C12orf54: variants seen among roughly 807,000 people sequenced by gnomAD.
C12orf54 encodes the protein uncharacterized protein C12orf54.
In C12orf54, 24 loss-of-function variants were observed where a neutral mutation model predicts 26.4. The observed-to-expected ratio is 0.91, with a 90% CI of 0.66 to 1.28. C12orf54 has a LOEUF of 1.28. C12orf54 is among the 50% of genes most tolerant of loss of function. C12orf54 has a pLI of 0.00. For synonymous variants in C12orf54, 54 were observed against 47.0 expected (o/e 1.15, Z -0.61); for missense variants, 154 against 150.9 (o/e 1.02, Z -0.11).
At chr12:48,419,073 A>G in the C12orf54 span, among the ~76,000 whole-genome samples, 1 of 152,206 alleles carries the variant, frequency 6.6e-6, no homozygotes, top group African/African-American at 2.4e-5. Context: ...GAGATGATGT[A>G]TTGAGCCACA....
chr12:48,473,584 G>C, the C12orf54 span: 1 of 295,566 alleles, frequency 3.4e-6, no homozygotes, highest in East Asian at 8.2e-5. Flanking sequence ...GGGAGGGGAG[G>C]AGGGGGTGGA....
the C12orf54 span, among the ~76,000 whole-genome samples, chr12:48,433,000 G>T: frequency 1.3e-5 from 2 of 151,996 alleles, no homozygotes; most frequent in African/African-American, 4.8e-5. Context: ...AAACTTGACA[G>T]ATACAAGATC....
chr12:48,439,917 A>T, the C12orf54 span, among the ~76,000 whole-genome samples: 1 of 152,128 alleles, frequency 6.6e-6, no homozygotes, highest in Non-Finnish European at 1.5e-5. Context: ...ATAAAAAAAT[A>T]AAAAATAAGA....
the C12orf54 span, among the ~76,000 whole-genome samples, chr12:48,452,826 T>C: frequency 2.0e-5 from 3 of 152,098 alleles, no homozygotes; most frequent in East Asian, 1.9e-4. Context: ...CCAGAATGTC[T>C]ATTATTAAAA....
the C12orf54 span, among the ~76,000 whole-genome samples, chr12:48,425,560 T>C: frequency 6.6e-6 from 1 of 152,118 alleles, no homozygotes; most frequent in Admixed American, 6.6e-5. Context: ...GTCTTTATGG[T>C]AGAATAATTT....
At chr12:48,446,288 C>T in the C12orf54 span, among the ~76,000 whole-genome samples, 2 of 152,142 alleles carry the variant, frequency 1.3e-5, no homozygotes, top group African/African-American at 2.4e-5. Flanking sequence ...CTTTAAAAAG[C>T]TTTTCTGAAG....
the C12orf54 span, among the ~76,000 whole-genome samples, chr12:48,424,130 T>C: frequency 1.3e-5 from 2 of 152,132 alleles, no homozygotes; most frequent in African/African-American, 4.8e-5. Context: ...TCTGGTCTAA[T>C]AATATGGTGA....
the C12orf54 span, among the ~76,000 whole-genome samples, chr12:48,461,309 C>T: frequency 1.2e-4 from 18 of 151,742 alleles, no homozygotes; most frequent in East Asian, 1.4e-3. Context: ...ATTTAAATAC[C>T]CCTTCAATAA....
chr12:48,418,966 C>G, the C12orf54 span, among the ~76,000 whole-genome samples: 1 of 150,780 alleles, frequency 6.6e-6, no homozygotes, highest in African/African-American at 2.4e-5. Flanking sequence ...ATTTGCATTT[C>G]CTGTAACTCA....
At chr12:48,423,459 G>T in the C12orf54 span, among the ~76,000 whole-genome samples, 1 of 152,044 alleles carries the variant, frequency 6.6e-6, no homozygotes. Flanking sequence ...CAAACTACAG[G>T]AGTGTAAACC....
the C12orf54 span, among the ~76,000 whole-genome samples, chr12:48,434,499 A>G: frequency 6.6e-6 from 1 of 152,222 alleles, no homozygotes; most frequent in Non-Finnish European, 1.5e-5. Flanking sequence ...TAGCCTAACT[A>G]GGAGGCATCC....
chr12:48,426,638 A>T, the C12orf54 span, among the ~76,000 whole-genome samples: 1 of 152,150 alleles, frequency 6.6e-6, no homozygotes, highest in African/African-American at 2.4e-5. Flanking sequence ...TGGTAGTTTG[A>T]TAAGAATAGC....
the C12orf54 span, among the ~76,000 whole-genome samples, chr12:48,444,059 C>G: frequency 6.6e-6 from 1 of 152,168 alleles, no homozygotes; most frequent in Non-Finnish European, 1.5e-5. Flanking sequence ...GTTTGAATAT[C>G]AATGTGAGAA....
the C12orf54 span, among the ~76,000 whole-genome samples, chr12:48,448,458 A>G: frequency 1.3e-5 from 2 of 152,310 alleles, no homozygotes; most frequent in South Asian, 2.1e-4. Context: ...CATTCATTTA[A>G]TTGTTATAAA....
chr12:48,457,578 T>A, the C12orf54 span, among the ~76,000 whole-genome samples: 1 of 152,114 alleles, frequency 6.6e-6, no homozygotes, highest in African/African-American at 2.4e-5. Context: ...GTGATCTGCC[T>A]GCCTCGGCCT....
the C12orf54 span, among the ~76,000 whole-genome samples, chr12:48,445,984 G>T: frequency 6.6e-6 from 1 of 152,190 alleles, no homozygotes; most frequent in Admixed American, 6.5e-5. Context: ...GACAGGGAAA[G>T]GAAGTGCCTG....
At chr12:48,478,399 G>A (rs2137080077), upstream of C12orf54, among the ~76,000 whole-genome samples, 1 of 152,262 alleles carries the variant, frequency 6.6e-6, no homozygotes, top group Non-Finnish European at 1.5e-5. Flanking sequence ...TCTGGCCAGG[G>A]CAATCAGGCA....
At chr12:48,468,724 T>G in the C12orf54 span, among the ~76,000 whole-genome samples, 4 of 152,136 alleles carry the variant, frequency 2.6e-5, no homozygotes, top group Admixed American at 1.3e-4. Context: ...GTAGTGAGCT[T>G]AGTACCCAAT....
chr12:48,443,201 T>C, the C12orf54 span, among the ~76,000 whole-genome samples: 4 of 152,216 alleles, frequency 2.6e-5, no homozygotes, highest in Non-Finnish European at 4.4e-5. Context: ...TTTCAGTGTT[T>C]GTTGTTGCTG....
Sources: gnomAD v4.1 joint callset for allele counts (sites outside exome capture counted in the v4.1 genomes callset) on GRCh38, gnomAD v4.1.1 for gene constraint, MANE v1.5 for transcripts, NCBI Gene and HGNC (gene_info 2026-07-23, HGNC 2026-07-21) for gene names.